The following SMTN variants were observed in gnomAD, a reference collection of about 807,000 sequenced individuals.
SMTN encodes smoothelin.
A neutral mutation model predicts 102.0 loss-of-function variants in SMTN; 58 were observed. The observed-to-expected ratio is 0.57, with a 90% CI of 0.46 to 0.71. The LOEUF is 0.71. Ranked by LOEUF, SMTN falls within the 30% of genes least tolerant of loss-of-function variation. The pLI is 0.00. For synonymous variants in SMTN, 478 were observed against 497.9 expected (o/e 0.96, Z 0.53); for missense variants, 1,185 against 1,241.7 (o/e 0.95, Z 0.69).
At position 31,095,594 on chromosome 22, in the gene SMTN, C is replaced by G; in HGVS notation, c.1846C>G (p.Arg616Gly). 1 of 1,613,262 alleles carries G rather than the reference C, an allele frequency of 6.2e-7. No individual in the cohort carries two copies. Among genetic ancestry groups the G allele is most frequent in the Non-Finnish European group, 8.5e-7 (1 of 1,179,698 alleles). The part of the protein sequence containing the change: ...KLIRAALREL[R>G]QRKRDQRDKE... Reference sequence around the variant, plus strand: ...CATCCGGGCTGCACTTCGTGAGCTCCGACAAAGGAAGAGAGGTAGAGAGCC... The same window carrying G: ...CATCCGGGCTGCACTTCGTGAGCTCGGACAAAGGAAGAGAGGTAGAGAGCC... The change falls in exon 13 of 21, where the codon CGA (arginine) becomes GGA (glycine). Residue 616 changes from arginine (R) to glycine (G), a missense_variant. Physicochemically the swap from Arg to Gly is moderately radical, Grantham distance 125 (BLOSUM62 -2). Coordinates refer to ENST00000333137, the MANE Select transcript of SMTN (RefSeq NM_134269.3). The surrounding 1 kb of genome is among the most constrained non-coding windows in gnomAD (Gnocchi z 4.1).
chr22:31,090,896 C>T lies in SMTN; in HGVS notation c.937+17C>T, dbSNP rs1450467173. 6.2e-7 allele frequency: 1 copy of T among 1,613,878 alleles called. No homozygotes were observed. The highest frequency in any genetic ancestry group is 1.7e-5 in the Admixed American group (1 of 60,008). ...AGAACCGAGGTACTACCTATTCTCA[C>T]CCTGCCTAGGATCTGTGCAGACCCT... On this transcript the variant is annotated intron_variant, in intron 9 of 20. Transcript: ENST00000333137.
rs889098374 is a variant in SMTN at position 31,084,029 on chromosome 22, T to G, written c.51+720T>G. 3.3e-5 allele frequency among the ~76,000 whole-genome samples: 5 copies of G among 152,302 alleles called. No homozygotes were observed. The East Asian group carries it at 9.7e-4, about 29-fold the overall frequency. Reference sequence around the variant, plus strand: ...GAGGGAGATGTGTTTGCACACAAGCTCTAGGTCCTAGAGTTGGCATGGGGA... The same window carrying G: ...GAGGGAGATGTGTTTGCACACAAGCGCTAGGTCCTAGAGTTGGCATGGGGA... On this transcript the variant is annotated intron_variant, in intron 2 of 20. Coordinates refer to ENST00000333137, the MANE Select transcript of SMTN (RefSeq NM_134269.3).
chr22:31,090,966 AC>A lies in SMTN; in HGVS notation c.949del (p.Ala318ProfsTer39). The A allele has an allele frequency of 6.2e-7, 1 of 1,611,764 alleles. No individual in the cohort carries two copies. On this transcript the variant is annotated frameshift_variant, in exon 10 of 21. Coordinates refer to ENST00000333137, the MANE Select transcript of SMTN (RefSeq NM_134269.3). LOFTEE classifies it high-confidence loss of function. ...PRQPAQNRES[T>X]PLASGPSSFQ... is the part of the protein sequence containing the mutation. ...AGCCCTCCTGTTCCTTCTAGAGTCC[AC>A]CCCCCTTGCCAGCGGACCTTCCTCA...
rs2147762153 is a variant in SMTN at position 31,095,957 on chromosome 22, C to T, written c.1861+348C>T. ...ATCCAGATACTCCTTCTCCCTGCTG[C>T]TCCTCTCTCCCTGAAGTCCATTGAT... is the stretch of plus-strand genomic sequence containing the variant. On this transcript the variant is annotated intron_variant, in intron 13 of 20. Coordinates refer to ENST00000333137, the MANE Select transcript of SMTN (RefSeq NM_134269.3). The surrounding 1 kb of genome is among the most constrained non-coding windows in gnomAD (Gnocchi z 4.1). 1 of 372,980 alleles carries T rather than the reference C, an allele frequency of 2.7e-6. No individual in the cohort carries two copies. Among genetic ancestry groups the T allele is most frequent in the Non-Finnish European group, 5.0e-6 (1 of 201,732 alleles). The allele number at this position is 372,980 out of a possible 1,614,324, so 23.1% of individuals were successfully genotyped here.
chr22:31,085,405 C>T (rs2147601603), intron 2 of SMTN: 14 of 931,924 alleles, frequency 1.5e-5, no homozygotes, highest in Non-Finnish European at 2.0e-5. Context: ...CATGGGCAAC[C>T]GGGGGAGCTG....
At chr22:31,084,975 G>A (rs1868279109) in intron 2 of SMTN, 2 of 1,455,798 alleles carry the variant, frequency 1.4e-6, no homozygotes, top group Non-Finnish European at 9.0e-7. Flanking sequence ...AGCTAGGCCC[G>A]CTCCGCCCGC....
At chr22:31,085,285 A>G in intron 2 of SMTN, 5 of 1,500,912 alleles carry the variant, frequency 3.3e-6, no homozygotes. Flanking sequence ...GCCTAGCGCG[A>G]GGCAGGGTGG....
At position 31,089,842 on chromosome 22, in the gene SMTN, C is replaced by G. The variant is rs1177848948; in HGVS notation, c.615C>G (p.Pro205=). Residue 205 remains proline (P), a synonymous_variant, in exon 7 of 21, where the codon CCC becomes CCG. Transcript: ENST00000333137. ...GCACATCCAGCTCACCTGCCTCACC[C>G]AGCAGTTCACCCACCCCTGCCTCTC... The part of the protein sequence containing the change: ...PGSTSSSPAS[P]SSSPTPASPE... 2 of 1,613,782 alleles carry G rather than the reference C, an allele frequency of 1.2e-6. No individual in the cohort carries two copies. Among genetic ancestry groups the G allele is most frequent in the African/African-American group, 2.7e-5 (2 of 74,908 alleles).
chr22:31,096,404 T>C, intron 13 of SMTN: 1 of 254,604 alleles, frequency 3.9e-6, no homozygotes, highest in Non-Finnish European at 7.4e-6. Context: ...TGGACTCAGC[T>C]ACCCCCTCAC....
At position 31,099,800 on chromosome 22, in the gene SMTN, C is replaced by T; in HGVS notation, c.2507C>T (p.Ala836Val). The T allele has an allele frequency of 6.2e-7, 1 of 1,614,086 alleles. No homozygotes were observed. The highest frequency in any genetic ancestry group is 8.5e-7 in the Non-Finnish European group (1 of 1,179,958). Residue 836 changes from alanine (A) to valine (V), a missense_variant, in exon 19 of 21, where the codon GCC becomes GTC. Coordinates refer to ENST00000333137, the MANE Select transcript of SMTN (RefSeq NM_134269.3). ...TGGAGTGATGGGATGGCCTTCTGTGCCCTGGTGCACAACTTCTTCCCTGAG... is the reference window on the plus strand; with the variant it reads ...TGGAGTGATGGGATGGCCTTCTGTGTCCTGGTGCACAACTTCTTCCCTGAG... ...SSWSDGMAFC[A>V]LVHNFFPEAF...
chr22:31,081,333 C>CG lies in SMTN; in HGVS notation c.-202dup, dbSNP rs2147531301. On this transcript the variant is annotated 5_prime_UTR_variant, in exon 1 of 21. Transcript: ENST00000333137. ...GCAGCTCTCCGCAGAATCCAGGGGA[C>CG]GGTTGCTGAGCGGGCCTGGGACAGC... The CG allele has an allele frequency of 6.6e-6, 1 of 152,344 alleles. No homozygotes were observed. Among genetic ancestry groups the CG allele is most frequent in the East Asian group, 1.9e-4 (1 of 5,184 alleles). The allele number at this position is 152,344 out of a possible 1,614,324, so 9.4% of individuals were successfully genotyped here. A position where few individuals can be genotyped will look rare whatever the true frequency, so the allele number is the denominator to read the frequency against.
chr22:31,094,822 C>T (rs948052887), intron 11 of SMTN, among the ~76,000 whole-genome samples: 2 of 152,168 alleles, frequency 1.3e-5, no homozygotes, highest in African/African-American at 4.8e-5. Context: ...GGTGGGACTA[C>T]AGGTGCACAC....
intron 8 of SMTN, among the ~76,000 whole-genome samples, chr22:31,090,453 C>T (rs2024825378): frequency 1.3e-5 from 2 of 152,130 alleles, no homozygotes; most frequent in Admixed American, 1.3e-4. Flanking sequence ...CACCCATCTC[C>T]CAGCTGGAGC....
intron 2 of SMTN, chr22:31,085,297 C>CG (rs1426391514): frequency 6.7e-7 from 1 of 1,490,032 alleles, no homozygotes; most frequent in Non-Finnish European, 8.9e-7. Flanking sequence ...GCAGGGTGGG[C>CG]GAGGCGAGGG....
At chr22:31,075,156 G>A (rs938744222) in intron 1 of SMTN, among the ~76,000 whole-genome samples, 1 of 152,108 alleles carries the variant, frequency 6.6e-6, no homozygotes, top group Non-Finnish European at 1.5e-5. Flanking sequence ...TTTGAGTCTC[G>A]ACTCTGTCCA....
chr22:31,093,439 A>T (rs1488888479), intron 11 of SMTN: 1 of 527,984 alleles, frequency 1.9e-6, no homozygotes, highest in Non-Finnish European at 3.6e-6. Context: ...TAGAGTCCCC[A>T]CCAGCACCAT....
chr22:31,091,087 C>T lies in SMTN; in HGVS notation c.1064C>T (p.Ala355Val), dbSNP rs763673035. 1.3e-5 allele frequency: 21 copies of T among 1,613,930 alleles called. No homozygotes were observed. In the East Asian group the frequency reaches 2.7e-4, roughly 21 times the overall value. ...CTCCAGGATGGCACACCCCAGGCTG[C>T]CCTAAGTCCCCTGACCCCCGCAAGG... ...ARLQDGTPQAALSPLTPARLL... is the reference protein window; with the variant it reads ...ARLQDGTPQAVLSPLTPARLL... The change falls in exon 10 of 21, where the codon GCC (alanine) becomes GTC (valine). Residue 355 changes from alanine (A) to valine (V), a missense_variant. By Grantham distance (64) the Ala-to-Val change is moderately conservative (BLOSUM62 0). Around this residue, in one of 2 missense-constraint regions of SMTN, gnomAD observed 1,096 missense variants for 1,112.7 expected, o/e 0.98. Transcript: ENST00000333137.
intron 16 of SMTN, 25 bp from the exon 17 acceptor site, chr22:31,098,642 T>C (rs755686272): frequency 1.2e-6 from 2 of 1,609,810 alleles, no homozygotes; most frequent in South Asian, 2.2e-5. Flanking sequence ...TCTCCCTGCC[T>C]AACATGCGCC....
intron 13 of SMTN, chr22:31,096,509 A>C: frequency 2.2e-6 from 1 of 458,328 alleles, no homozygotes; most frequent in Non-Finnish European, 3.8e-6. Context: ...CGTATTCTCT[A>C]GTTTCTGCCT....
Sources: allele counts gnomAD v4.1 joint callset (sites outside exome capture counted in the v4.1 genomes callset), GRCh38; gene constraint gnomAD v4.1.1; regional missense constraint gnomAD v4.1.1; non-coding constraint Gnocchi (gnomAD v3.1); transcripts MANE v1.5; gene names NCBI Gene and HGNC (gene_info 2026-07-23, HGNC 2026-07-21).